The following ASCC3 variants were observed in gnomAD, a reference collection of about 807,000 sequenced individuals.
The protein encoded by ASCC3 is ASC-1 complex subunit P200.
Under a neutral mutation model 256.3 loss-of-function variants are expected in ASCC3, and 158 were observed. That is an observed-to-expected ratio of 0.62 (90% CI 0.54 to 0.70). The LOEUF is 0.70. ASCC3 is among the 30% of genes least tolerant of loss of function. The pLI, the probability that ASCC3 is intolerant of heterozygous loss-of-function variation, is 0.00. For missense variants in ASCC3, 2,259 were observed against 2,626.0 expected, an observed-to-expected ratio of 0.86 and a Z score of 3.05; for synonymous variants, 948 against 883.4, an observed-to-expected ratio of 1.07 and a Z score of -1.30.
At chr6:100,756,564 C>G (rs888281590) in intron 10 of ASCC3, among the ~76,000 whole-genome samples, 1 of 151,860 alleles carries the variant, frequency 6.6e-6, no homozygotes, top group African/African-American at 2.4e-5. Flanking sequence ...TCTCTCAGTT[C>G]AAAAGTATAA....
chr6:100,862,472 T>G (rs1773271690), intron 3 of ASCC3, among the ~76,000 whole-genome samples: 1 of 152,096 alleles, frequency 6.6e-6, no homozygotes, highest in Admixed American at 6.5e-5. Context: ...TTGATGATCA[T>G]AAAAAGTTTT....
chr6:100,808,188 T>C (rs1481256856), intron 4 of ASCC3, among the ~76,000 whole-genome samples: 2 of 151,944 alleles, frequency 1.3e-5, no homozygotes, highest in Admixed American at 1.3e-4. Flanking sequence ...TTTTCTATTA[T>C]ATAATCAAAT....
chr6:100,828,317 T>C (rs1771431739), intron 4 of ASCC3, among the ~76,000 whole-genome samples: 1 of 152,080 alleles, frequency 6.6e-6, no homozygotes, highest in South Asian at 2.1e-4. Context: ...CCGATAGAAA[T>C]GGGGATAAAA....
intron 4 of ASCC3, among the ~76,000 whole-genome samples, chr6:100,825,273 ATTTTT>A (rs71028036): frequency 1.1e-4 from 15 of 141,356 alleles, no homozygotes; most frequent in Non-Finnish European, 2.2e-4. Context: ...TTCTTTTGTG[ATTTTT>A]TTTTTTTTTT....
intron 4 of ASCC3, among the ~76,000 whole-genome samples, chr6:100,833,895 T>C (rs747521419): frequency 8.3e-4 from 126 of 152,156 alleles, no homozygotes; most frequent in Non-Finnish European, 1.4e-3. Flanking sequence ...ATGGCCAACA[T>C]GTCAAAACCC....
At chr6:100,714,398 A>G (rs1353554657) in intron 13 of ASCC3, among the ~76,000 whole-genome samples, 1 of 152,222 alleles carries the variant, frequency 6.6e-6, no homozygotes, top group African/African-American at 2.4e-5. Context: ...GAACAATGAC[A>G]TAAAATAAAT....
intron 14 of ASCC3, among the ~76,000 whole-genome samples, chr6:100,675,143 T>C (rs1776947890): frequency 6.6e-6 from 1 of 151,842 alleles, no homozygotes; most frequent in African/African-American, 2.4e-5. Context: ...TTTTTTTTTT[T>C]TACAATTTTG....
intron 10 of ASCC3, among the ~76,000 whole-genome samples, chr6:100,758,014 C>T (rs1027141028): frequency 2.0e-5 from 3 of 152,128 alleles, no homozygotes; most frequent in African/African-American, 7.2e-5. Context: ...AAGACTGGCA[C>T]TGATGGGTGG....
intron 4 of ASCC3, among the ~76,000 whole-genome samples, chr6:100,807,800 G>T (rs1471109816): frequency 6.6e-6 from 1 of 151,690 alleles, no homozygotes; most frequent in Non-Finnish European, 1.5e-5. Flanking sequence ...GACAAAAGGG[G>T]AAGTATGTAT....
At chr6:100,576,036 T>A (rs1770841243) in intron 36 of ASCC3, among the ~76,000 whole-genome samples, 1 of 152,060 alleles carries the variant, frequency 6.6e-6, no homozygotes, top group South Asian at 2.1e-4. Context: ...TTTACTTATA[T>A]CTAATTAGAC....
At chr6:100,690,856 C>T (rs1024221836) in intron 13 of ASCC3, among the ~76,000 whole-genome samples, 13 of 152,056 alleles carry the variant, frequency 8.5e-5, no homozygotes, top group Admixed American at 7.9e-4. Flanking sequence ...CAGCTCTTCT[C>T]AAGAAACCCA....
chr6:100,631,098 C>T (rs79637308), intron 26 of ASCC3, 30 bp downstream of exon 26: 52,053 of 1,478,700 alleles, frequency 0.035, 1,087 homozygotes, highest in Non-Finnish European at 0.041. Context: ...CAATTCAAAG[C>T]GTATCTTTTG....
Position 100,638,736 on chromosome 6 carries a change from A to G in ASCC3, c.3987T>C (p.Pro1329=). 6 of 1,614,076 alleles carry G rather than the reference A, an allele frequency of 3.7e-6. No homozygotes were observed. The highest frequency in any genetic ancestry group is 4.2e-6 in the Non-Finnish European group (5 of 1,179,980). The change falls in exon 25 of 42, where the codon CCT becomes CCC. Residue 1329 remains proline, a synonymous_variant. Transcript: ENST00000369162. ...ATGTATGAAATATTTGTGTCTGTAC[A>G]GGGTTAAAGTGGCTGAAGTTGTACA... ...EALYNFSHFN[P]VQTQIFHTLY...
At chr6:100,784,965 C>T (rs992739770) in intron 8 of ASCC3, among the ~76,000 whole-genome samples, 3 of 151,926 alleles carry the variant, frequency 2.0e-5, no homozygotes, top group African/African-American at 7.3e-5. Flanking sequence ...AATATAGAGT[C>T]CTACATCTTT....
chr6:100,520,633 A>G (rs971920023), intron 37 of ASCC3, among the ~76,000 whole-genome samples: 1 of 152,128 alleles, frequency 6.6e-6, no homozygotes, highest in Non-Finnish European at 1.5e-5. Context: ...GTGGTCCCAT[A>G]AGACTATACA....
At chr6:100,539,336 C>CT (rs1280068645) in intron 37 of ASCC3, among the ~76,000 whole-genome samples, 3 of 152,152 alleles carry the variant, frequency 2.0e-5, no homozygotes, top group Non-Finnish European at 2.9e-5. Context: ...ATACTCTTCT[C>CT]TTTTTAAACT....
chr6:100,681,252 C>CA (rs2114967137), intron 13 of ASCC3, among the ~76,000 whole-genome samples: 1 of 151,964 alleles, frequency 6.6e-6, no homozygotes, highest in East Asian at 1.9e-4. Flanking sequence ...AGAAGTTCCT[C>CA]AAAACAAAGC....
chr6:100,823,625 A>T (rs139499906), intron 4 of ASCC3, among the ~76,000 whole-genome samples: 1 of 152,300 alleles, frequency 6.6e-6, no homozygotes. Flanking sequence ...TATTAATATA[A>T]AGCCTTATTC....
In ASCC3 at chr6:100,655,629, A is replaced by G. The variant is rs1048582511; in HGVS notation, c.2823+70T>C. 9 of 1,530,224 alleles carry G rather than the reference A, an allele frequency of 5.9e-6. No homozygotes were observed. In the East Asian group the frequency reaches 1.8e-4, roughly 31 times the overall value. The allele number at this position is 1,530,224 out of a possible 1,614,324, so 94.8% of individuals were successfully genotyped here. A position where few individuals can be genotyped will look rare whatever the true frequency, so the allele number is the denominator to read the frequency against. ...GATGAGGCAAGAGCAGCAAACAAATATCTATCCTCATATCATGAAAGAACC... is the reference window on the plus strand; with the variant it reads ...GATGAGGCAAGAGCAGCAAACAAATGTCTATCCTCATATCATGAAAGAACC... On this transcript the variant is annotated intron_variant, in intron 17 of 41. Coordinates refer to ENST00000369162, the MANE Select transcript of ASCC3 (RefSeq NM_006828.4).
Sources: gnomAD v4.1 joint callset for allele counts (sites outside exome capture counted in the v4.1 genomes callset) on GRCh38, gnomAD v4.1.1 for gene constraint, MANE v1.5 for transcripts, NCBI Gene and HGNC (gene_info 2026-07-23, HGNC 2026-07-21) for gene names.